The following TJP2 variants were observed in gnomAD, a reference collection of about 807,000 sequenced individuals.
The protein encoded by TJP2 is Friedreich ataxia region gene X104 (tight junction protein ZO-2).
TJP2 carries 91 observed loss-of-function variants against 133.1 expected under a neutral mutation model. The ratio of observed to expected loss-of-function variants is 0.68; its 90% CI spans 0.58 to 0.81. The LOEUF is 0.81. Among genes scored for constraint, TJP2 ranks in the 40% least tolerant of loss-of-function variants. TJP2 has a pLI of 0.00. For missense variants in TJP2, 1,541 were observed against 1,565.6 expected (o/e 0.98, Z 0.26); for synonymous variants, 592 against 583.4 (o/e 1.01, Z -0.21).
rs1293293949 is a variant in TJP2 at position 69,216,342 on chromosome 9, T to G, written c.118T>G (p.Ser40Ala). Residue 40 changes from serine to alanine, a missense_variant, in exon 3 of 23, where the codon TCC becomes GCC. Coordinates refer to ENST00000377245, the MANE Select transcript of TJP2 (RefSeq NM_004817.4). ...ATTTCTCCTCTCTGATGTACAGGAT[T>G]CCAAAAGAGGATTTGGAATTGCAGT... ...EQYTVTLQKDSKRGFGIAVSG... is the reference protein window; with the variant it reads ...EQYTVTLQKDAKRGFGIAVSG... 6.2e-7 allele frequency: 1 copy of G among 1,614,062 alleles called. No homozygotes were observed. The highest frequency in any genetic ancestry group is 1.3e-5 in the African/African-American group (1 of 74,928).
At chr9:69,231,393 C>T (rs570566004) in intron 11 of TJP2, among the ~76,000 whole-genome samples, 10 of 152,258 alleles carry the variant, frequency 6.6e-5, no homozygotes, top group Admixed American at 5.2e-4. Context: ...CCACTGCGCC[C>T]GGCTGGGAAC....
At chr9:69,184,369 C>T (rs768459196) in intron 1 of TJP2, among the ~76,000 whole-genome samples, 2 of 152,242 alleles carry the variant, frequency 1.3e-5, no homozygotes, top group Non-Finnish European at 2.9e-5. Context: ...CTTGCTTGAC[C>T]TTCCACCTTC....
chr9:69,175,723 CT>C (rs903093246), intron 1 of TJP2, among the ~76,000 whole-genome samples: 1 of 152,138 alleles, frequency 6.6e-6, no homozygotes, highest in Non-Finnish European at 1.5e-5. Context: ...GGACAGGGTA[CT>C]GGAGCTTCCT....
Position 69,251,373 on chromosome 9 carries a change from T to G in TJP2, c.3321+9T>G. Reference sequence around the variant, plus strand: ...AAGCACAGAATGCAAGGGTAATTGTTTTTAAACTACACATCATCAATAAGA... The same window carrying G: ...AAGCACAGAATGCAAGGGTAATTGTGTTTAAACTACACATCATCAATAAGA... On this transcript the variant is annotated intron_variant, in intron 21 of 22. Coordinates refer to ENST00000377245, the MANE Select transcript of TJP2 (RefSeq NM_004817.4). 6.2e-7 allele frequency: 1 copy of G among 1,611,296 alleles called. No individual in the cohort carries two copies. Among genetic ancestry groups the G allele is most frequent in the South Asian group, 1.1e-5 (1 of 90,978 alleles).
At chr9:69,217,710 A>G (rs1476033519) in intron 3 of TJP2, among the ~76,000 whole-genome samples, 1 of 152,226 alleles carries the variant, frequency 6.6e-6, no homozygotes, top group Non-Finnish European at 1.5e-5. Flanking sequence ...TATAGTTAAG[A>G]AAGTCTCTAT....
intron 1 of TJP2, among the ~76,000 whole-genome samples, chr9:69,140,336 G>C (rs1456439739): frequency 6.6e-6 from 1 of 152,190 alleles, no homozygotes; most frequent in Non-Finnish European, 1.5e-5. Flanking sequence ...ACTATTATTA[G>C]CCCTGCTTTA....
chr9:69,205,631 T>C (rs1468175101), intron 1 of TJP2, among the ~76,000 whole-genome samples: 4 of 152,276 alleles, frequency 2.6e-5, no homozygotes, highest in Admixed American at 6.5e-5. Context: ...ATTCTTATTA[T>C]GTCTAGGCTT....
At position 69,246,819 on chromosome 9, in the gene TJP2, G is replaced by C. The variant is rs112883125; in HGVS notation, c.2667+29G>C. ...TGTGGCATAGATATGCTGCTATGAG[G>C]TGAGAGTCCCTGTTCTGAAACTTTT... On this transcript the variant is annotated intron_variant, in intron 18 of 22. Coordinates refer to ENST00000377245, the MANE Select transcript of TJP2 (RefSeq NM_004817.4). 6.7e-4 allele frequency: 1,066 copies of C among 1,590,282 alleles called. 7 individuals are homozygous for C. The African/African-American group carries it at 0.013, about 19-fold the overall frequency.
chr9:69,122,450 C>G (rs1217596684), intron 1 of TJP2, among the ~76,000 whole-genome samples: 1 of 152,194 alleles, frequency 6.6e-6, no homozygotes, highest in East Asian at 1.9e-4. Context: ...CCGCCTAACG[C>G]GGCAGAGACT....
intron 1 of TJP2, among the ~76,000 whole-genome samples, chr9:69,141,557 G>A (rs1458915216): frequency 6.6e-6 from 1 of 152,118 alleles, no homozygotes; most frequent in Non-Finnish European, 1.5e-5. Flanking sequence ...GGGAGGGAGG[G>A]ATGATATCCA....
intron 20 of TJP2, among the ~76,000 whole-genome samples, chr9:69,250,115 T>A (rs1463110479): frequency 2.6e-5 from 4 of 152,344 alleles, no homozygotes; most frequent in African/African-American, 9.6e-5. Context: ...ATTATTACTA[T>A]TTTTTGAGAC....
intron 1 of TJP2, among the ~76,000 whole-genome samples, chr9:69,181,756 G>T (rs1825529552): frequency 6.6e-6 from 1 of 151,674 alleles, no homozygotes; most frequent in Non-Finnish European, 1.5e-5. Context: ...TTTTTTTAGA[G>T]ATCCAGTGGA....
At chr9:69,220,149 TTAAA>T (rs965821609) in intron 4 of TJP2, among the ~76,000 whole-genome samples, 5 of 152,128 alleles carry the variant, frequency 3.3e-5, no homozygotes, top group Non-Finnish European at 7.4e-5. Context: ...TAATAATAAA[TTAAA>T]TAAATAAATA....
rs548788944 is a variant in TJP2 at position 69,236,844 on chromosome 9, A to C, written c.1992-105A>C. 7 of 1,333,364 alleles carry C rather than the reference A, an allele frequency of 5.2e-6. No homozygotes were observed. The Admixed American group carries it at 1.2e-4, about 22-fold the overall frequency. The allele number at this position is 1,333,364 out of a possible 1,614,324, so 82.6% of individuals were successfully genotyped here. ...TGAAACTTCTTCATTGTCAAGCGGA[A>C]TCTTCTCTGAGCTCAGAAGTAAAAT... is the stretch of plus-strand genomic sequence containing the variant. On this transcript the variant is annotated intron_variant, in intron 13 of 22. Coordinates refer to ENST00000377245, the MANE Select transcript of TJP2 (RefSeq NM_004817.4).
chr9:69,204,909 G>A, intron 1 of TJP2: 1 of 1,237,234 alleles, frequency 8.1e-7, no homozygotes, highest in South Asian at 3.1e-5. Flanking sequence ...CCTGGCAAGG[G>A]AGAGAGAGGG....
intron 1 of TJP2, among the ~76,000 whole-genome samples, chr9:69,182,000 T>G (rs1402182505): frequency 6.6e-6 from 1 of 152,178 alleles, no homozygotes; most frequent in Non-Finnish European, 1.5e-5. Flanking sequence ...CCCCATGGAC[T>G]TCTCCCCGGG....
At chr9:69,248,432 G>A in intron 19 of TJP2, 2 of 1,426,004 alleles carry the variant, frequency 1.4e-6, no homozygotes, top group Non-Finnish European at 1.8e-6. Flanking sequence ...AGAAGAGCTT[G>A]AGGGGTCAGC....
rs111770229 is a variant in TJP2 at position 69,159,211 on chromosome 9, G to A, written c.-10+7440G>A. On this transcript the variant is annotated intron_variant, in intron 2 of 5. Coordinates refer to the TJP2 transcript ENST00000423935. ...GCGCCTGTAATCCCAGCTACTTGGG[G>A]GTGCTGAGGCAGGAAGATAACATCA... Among the ~76,000 whole-genome samples, 290 of 151,888 alleles carry A rather than the reference G, an allele frequency of 1.9e-3. 3 individuals are homozygous for A. Among genetic ancestry groups the A allele is most frequent in the African/African-American group, 6.9e-3 (286 of 41,430 alleles).
At chr9:69,164,630 C>T (rs1387011399) in intron 2 of TJP2, among the ~76,000 whole-genome samples, 2 of 152,198 alleles carry the variant, frequency 1.3e-5, no homozygotes, top group East Asian at 3.9e-4. Flanking sequence ...CCCAGCATTG[C>T]TTGGATAAAA....
Sources: gnomAD v4.1 joint callset for allele counts (sites outside exome capture counted in the v4.1 genomes callset) on GRCh38, gnomAD v4.1.1 for gene constraint, MANE v1.5 for transcripts, NCBI Gene and HGNC (gene_info 2026-07-23, HGNC 2026-07-21) for gene names.